The following ZNF142 variants were observed in gnomAD, a reference collection of about 807,000 sequenced individuals.
ZNF142 encodes the protein zinc finger protein 142.
A neutral mutation model predicts 132.1 loss-of-function variants in ZNF142; 96 were observed. The observed-to-expected ratio is 0.73, with a 90% CI of 0.62 to 0.86. The LOEUF (loss-of-function observed/expected upper bound fraction) is 0.86. Among genes scored for constraint, ZNF142 ranks in the 40% least tolerant of loss-of-function variants. The pLI is 0.00. For missense variants in ZNF142, 2,163 were observed against 2,336.2 expected, an observed-to-expected ratio of 0.93 and a Z score of 1.53; for synonymous variants, 842 against 890.1, an observed-to-expected ratio of 0.95 and a Z score of 0.96.
In ZNF142 at chr2:218,643,395, T is replaced by G. The variant is rs202023725; in HGVS notation, c.3721A>C (p.Ile1241Leu). ...CAGCCTTCAGCCACGTGAGAGGTAA[T>G]AGAGGAGAGCCGGGAACAAAGGAAT... The part of the protein sequence containing the change: ...CPFLCSRLSS[I>L]TSHVAEGCRG... Residue 1241 changes from isoleucine to leucine, a missense_variant, in exon 9 of 11, where the codon ATT becomes CTT. Physicochemically the swap from Ile to Leu is conservative, Grantham distance 5. This residue lies in a region of ZNF142 where 809 missense variants were observed against 801.7 expected (regional missense o/e 1.01). Transcript: ENST00000411696. The G allele has an allele frequency of 4.7e-4, 752 of 1,613,944 alleles. No individual in the cohort carries two copies. The highest frequency in any genetic ancestry group is 6.2e-4 in the Non-Finnish European group (726 of 1,180,006).
intron 9 of ZNF142, among the ~76,000 whole-genome samples, chr2:218,641,324 G>GC (rs1697172870): frequency 6.8e-6 from 1 of 146,840 alleles, no homozygotes; most frequent in Non-Finnish European, 1.5e-5. Flanking sequence ...TCGGCTCACT[G>GC]CAAGTTCTGC....
chr2:218,634,250 G>A lies in ZNF142; in HGVS notation c.*4089C>T. On this transcript the variant is annotated 3_prime_UTR_variant, in exon 11 of 11. Coordinates refer to ENST00000411696, the MANE Select transcript of ZNF142 (RefSeq NM_001379659.1). This position sits in a 1 kb window ranked among gnomAD's most constrained non-coding sequence, Gnocchi z 4.0. ...AGGAGGCAGCAGGGACTGGGAAGAG[G>A]GAGTGGAGGAGCAGCAGGTGGGAAA... 6.3e-7 allele frequency: 1 copy of A among 1,594,380 alleles called. No individual in the cohort carries two copies. Among genetic ancestry groups the A allele is most frequent in the Non-Finnish European group, 8.5e-7 (1 of 1,170,286 alleles).
chr2:218,642,229 A>T lies in ZNF142; in HGVS notation c.4887T>A (p.Cys1629Ter). Residue 1629 changes from cysteine (C) to a stop codon, truncating the protein, a stop_gained, in exon 9 of 11, where the codon TGT becomes TGA. Coordinates refer to ENST00000411696, the MANE Select transcript of ZNF142 (RefSeq NM_001379659.1). LOFTEE classifies it high-confidence loss of function. This position sits in a 1 kb window ranked among gnomAD's most constrained non-coding sequence, Gnocchi z 4.6. The part of the protein sequence containing the change: ...AGQPPLHCPF[C>*]DFTCRHQLVL... The stretch of plus-strand genomic sequence containing the variant: ...CCAGCTGATGGCGGCATGTGAAGTC[A>T]CAAAAGGGGCAGTGTAGCGGGGGCT... 1 of 1,614,158 alleles carries T rather than the reference A, an allele frequency of 6.2e-7. No homozygotes were observed. Among genetic ancestry groups the T allele is most frequent in the Non-Finnish European group, 8.5e-7 (1 of 1,180,034 alleles).
rs772618045 is a variant in ZNF142, at chr2:218,652,105, G to A, written c.476C>T (p.Pro159Leu). Residue 159 changes from proline to leucine, a missense_variant, in exon 5 of 11, where the codon CCG (proline) becomes CTG (leucine). Physicochemically the swap from Pro to Leu is moderately conservative, Grantham distance 98. Around this residue, in one of 7 missense-constraint regions of ZNF142, gnomAD observed 195 missense variants for 172.4 expected, o/e 1.13. Transcript: ENST00000411696. ...AGGGCATGATAGGGGGCTAACTGGC[G>A]GGCTCTGGCCCTGCAGAGGGCCAGG... ...TLPGPLQGQS[P>L]PVSPLSCPVC... The A allele has an allele frequency of 3.3e-5, 15 of 449,506 alleles. No individual in the cohort carries two copies. Among genetic ancestry groups the A allele is most frequent in the Middle Eastern group, 3.3e-4 (1 of 3,036 alleles). The allele number at this position is 449,506 out of a possible 1,614,324, so 27.8% of individuals were successfully genotyped here.
Position 218,634,192 on chromosome 2 carries a change from A to T in ZNF142, c.*4147T>A. On this transcript the variant is annotated 3_prime_UTR_variant, in exon 11 of 11. Coordinates refer to ENST00000411696, the MANE Select transcript of ZNF142 (RefSeq NM_001379659.1). The surrounding 1 kb of genome is among the most constrained non-coding windows in gnomAD (Gnocchi z 4.0). ...ACAGACTCTTCCAACTACAACCCCC[A>T]GGAACTCTGGAATGCAGGCTGCCAG... 1 of 1,611,894 alleles carries T rather than the reference A, an allele frequency of 6.2e-7. No individual in the cohort carries two copies. The highest frequency in any genetic ancestry group is 8.5e-7 in the Non-Finnish European group (1 of 1,178,996).
At position 218,643,015 on chromosome 2, in the gene ZNF142, G is replaced by A. The variant is rs761935465; in HGVS notation, c.4101C>T (p.Pro1367=). 2 of 1,605,284 alleles carry A rather than the reference G, an allele frequency of 1.2e-6. No individual in the cohort carries two copies. The highest frequency in any genetic ancestry group is 1.7e-6 in the Non-Finnish European group (2 of 1,175,414). Residue 1367 remains proline (P), a synonymous_variant, in exon 9 of 11, where the codon CCC becomes CCT. Coordinates refer to ENST00000411696, the MANE Select transcript of ZNF142 (RefSeq NM_001379659.1). ...AGTCCCCACACTGTAGATGGGGCCG[G>A]GGCCCACGGGCTGGGGCTGCAGTGG... ...RHPTAAPARG[P]RPHLQCGDCG...
At position 218,642,629 on chromosome 2, in the gene ZNF142, C is replaced by T. The variant is rs200895363; in HGVS notation, c.4487G>A (p.Ser1496Asn). Residue 1496 changes from serine to asparagine, a missense_variant, in exon 9 of 11, where the codon AGC becomes AAC. This residue lies in a region of ZNF142 where 809 missense variants were observed against 801.7 expected (regional missense o/e 1.01). Coordinates refer to ENST00000411696, the MANE Select transcript of ZNF142 (RefSeq NM_001379659.1). The surrounding 1 kb of genome is among the most constrained non-coding windows in gnomAD (Gnocchi z 4.6). The stretch of plus-strand genomic sequence containing the variant: ...ATGCTGCTTAAGTGCTGTCTCTGAG[C>T]TGAACTGGGCTTCACACTGGGAGCA... ...FACSQCEAQF[S>N]SETALKQHAL... 2.5e-6 allele frequency: 4 copies of T among 1,614,052 alleles called. No homozygotes were observed. Among genetic ancestry groups the T allele is most frequent in the Non-Finnish European group, 2.5e-6 (3 of 1,180,028 alleles).
Position 218,633,703 on chromosome 2 carries a change from C to G in ZNF142, c.*4636G>C, listed in dbSNP as rs370612736. 6 of 1,614,004 alleles carry G rather than the reference C, an allele frequency of 3.7e-6. No homozygotes were observed. The highest frequency in any genetic ancestry group is 5.1e-6 in the Non-Finnish European group (6 of 1,179,896). On this transcript the variant is annotated 3_prime_UTR_variant, in exon 11 of 11. Coordinates refer to ENST00000411696, the MANE Select transcript of ZNF142 (RefSeq NM_001379659.1). The stretch of plus-strand genomic sequence containing the variant: ...TCACACATTCAAAGGAGCACTACCA[C>G]TTCTACGAGATATCATCTTTCTCTG...
chr2:218,647,692 G>A (rs903262656), intron 7 of ZNF142, among the ~76,000 whole-genome samples: 1 of 152,124 alleles, frequency 6.6e-6, no homozygotes, highest in Admixed American at 6.6e-5. Context: ...CATATTGATG[G>A]TCAAGACCTG....
chr2:218,634,162 T>C lies in ZNF142; in HGVS notation c.*4177A>G. 1 of 1,612,786 alleles carries C rather than the reference T, an allele frequency of 6.2e-7. No homozygotes were observed. The highest frequency in any genetic ancestry group is 8.5e-7 in the Non-Finnish European group (1 of 1,179,410). On this transcript the variant is annotated 3_prime_UTR_variant, in exon 11 of 11. Transcript: ENST00000411696. The surrounding 1 kb of genome is among the most constrained non-coding windows in gnomAD (Gnocchi z 4.0). Reference sequence around the variant, plus strand: ...TTAAGCCGTGTGTATCCCAGCGGCCTGAGGACAGACTCTTCCAACTACAAC... The same window carrying C: ...TTAAGCCGTGTGTATCCCAGCGGCCCGAGGACAGACTCTTCCAACTACAAC...
rs1435770364 is a variant in ZNF142 at position 218,645,082 on chromosome 2, G to T, written c.2052-18C>A. 2 of 1,600,948 alleles carry T rather than the reference G, an allele frequency of 1.2e-6. No individual in the cohort carries two copies. Among genetic ancestry groups the T allele is most frequent in the East Asian group, 2.2e-5 (1 of 44,558 alleles). On this transcript the variant is annotated intron_variant, in intron 8 of 10. Coordinates refer to ENST00000411696, the MANE Select transcript of ZNF142 (RefSeq NM_001379659.1). ...ACTGATACCTGGCAAGGAGGGAAAGGGGGAGGCAATCACAATAATTAATCA... is the reference window on the plus strand; with the variant it reads ...ACTGATACCTGGCAAGGAGGGAAAGTGGGAGGCAATCACAATAATTAATCA...
chr2:218,650,512 G>A lies in ZNF142; in HGVS notation c.895C>T (p.Pro299Ser), dbSNP rs763504616. Residue 299 changes from proline (P) to serine (S), a missense_variant, in exon 6 of 11, where the codon CCA becomes TCA. By Grantham distance (74) the Pro-to-Ser change is moderately conservative. Transcript: ENST00000411696. ...QELLPAPKLP[P>S]GEREPSQEAG... ...TCCTGTGAAGGTTCTCTCTCTCCTG[G>A]AGGCAGTTTGGGAGCTGGAGATACA... 2 of 1,589,090 alleles carry A rather than the reference G, an allele frequency of 1.3e-6. No individual in the cohort carries two copies. The highest frequency in any genetic ancestry group is 1.7e-6 in the Non-Finnish European group (2 of 1,168,382).
intron 3 of ZNF142, among the ~76,000 whole-genome samples, 157 bp downstream of exon 3, chr2:218,658,544 A>G (rs192917417): frequency 3.4e-4 from 51 of 152,026 alleles, no homozygotes; most frequent in Non-Finnish European, 6.3e-4. Context: ...TCCGTCTCAA[A>G]AAAAAAACAA....
Position 218,634,024 on chromosome 2 carries a change from G to A in ZNF142, c.*4315C>T. On this transcript the variant is annotated 3_prime_UTR_variant, in exon 11 of 11. Transcript: ENST00000411696. This position sits in a 1 kb window ranked among gnomAD's most constrained non-coding sequence, Gnocchi z 4.0. ...AGCTTCAGATGCTGGAGAGAAGGGT[G>A]AAGAGTAGGCATGGTCCTTGGGACT... The A allele has an allele frequency of 6.6e-7, 1 of 1,516,298 alleles. No individual in the cohort carries two copies. Among genetic ancestry groups the A allele is most frequent in the Non-Finnish European group, 8.9e-7 (1 of 1,121,838 alleles). 93.9% of individuals were successfully genotyped at this position (1,516,298 alleles called of 1,614,324 possible).
chr2:218,647,434 A>AAAAAAAAAAAAAAAAAAC (rs1559297369), intron 7 of ZNF142, among the ~76,000 whole-genome samples: 4 of 147,260 alleles, frequency 2.7e-5, no homozygotes, highest in East Asian at 2.0e-4. Context: ...AAAAAAAAAA[A>AAAAAAAAAAAAAAAAAAC]AGCCTCCTCC....
At chr2:218,654,430 G>A (rs911365854) in intron 4 of ZNF142, among the ~76,000 whole-genome samples, 3 of 150,830 alleles carry the variant, frequency 2.0e-5, no homozygotes, top group Non-Finnish European at 2.9e-5. Context: ...TCAGTGGTGC[G>A]ATCTTGGCTC....
Position 218,643,930 on chromosome 2 carries a change from G to A in ZNF142, c.3186C>T (p.Arg1062=), listed in dbSNP as rs1282667175. 6.2e-7 allele frequency: 1 copy of A among 1,614,106 alleles called. No homozygotes were observed. The highest frequency in any genetic ancestry group is 8.5e-7 in the Non-Finnish European group (1 of 1,179,978). The change falls in exon 9 of 11, where the codon CGC becomes CGT. Residue 1062 remains arginine (R), a synonymous_variant. Transcript: ENST00000411696. ...ACTCGGGGCACAGCAGGGGCTCTCG[G>A]CGGCCTTGGCACCCAGTCCTGGAGT... ...NLHSRTGCQG[R]REPLLCPECG...
intron 6 of ZNF142, 50 bp from the exon 7 acceptor site, chr2:218,649,509 A>G: frequency 6.8e-7 from 1 of 1,470,120 alleles, no homozygotes. Context: ...TTCTGGGGAA[A>G]GCCAGATAAT....
chr2:218,645,115 T>C, intron 8 of ZNF142, 51 bp from the exon 9 acceptor site: 2 of 1,579,232 alleles, frequency 1.3e-6, no homozygotes, highest in Non-Finnish European at 1.7e-6. Flanking sequence ...TCACAACAAC[T>C]AAGAATCAGT....
Sources: gnomAD v4.1 joint callset for allele counts (sites outside exome capture counted in the v4.1 genomes callset) on GRCh38, gnomAD v4.1.1 for gene constraint, gnomAD v4.1.1 regional missense constraint, Gnocchi (gnomAD v3.1) non-coding constraint, MANE v1.5 for transcripts, NCBI Gene and HGNC (gene_info 2026-07-23, HGNC 2026-07-21) for gene names.